The following FREM1 variants were observed in gnomAD, a reference collection of about 807,000 sequenced individuals.
FREM1 encodes the protein FRAS1 related extracellular matrix 1.
A neutral mutation model predicts 210.1 loss-of-function variants in FREM1; 220 were observed. The observed-to-expected ratio is 1.05, with a 90% CI of 0.94 to 1.17. The LOEUF is 1.17. FREM1 is among the 50% of genes most tolerant of loss of function. The probability of loss-of-function intolerance (pLI) is 0.00; values close to 1 mark genes in which losing one functional copy is unlikely to be tolerated. For missense variants in FREM1, 3,454 were observed against 2,675.5 expected (o/e 1.29, Z -6.42); for synonymous variants, 1,189 against 980.2 (o/e 1.21, Z -3.98).
In FREM1 at chr9:14,775,966, T is replaced by TG; in HGVS notation, c.4679dup (p.Gly1561ArgfsTer29). On this transcript the variant is annotated frameshift_variant, in exon 25 of 37. Transcript: ENST00000380880. LOFTEE classifies it high-confidence loss of function. ...GGGTGAAATTGTGTTGAAGTAGCCCTGTCCCCCACAGGTAGAGCTGGCCAT... is the reference window on the plus strand; with the variant it reads ...GGGTGAAATTGTGTTGAAGTAGCCCTGGTCCCCCACAGGTAGAGCTGGCCAT... 6.2e-7 allele frequency: 1 copy of TG among 1,614,028 alleles called. No individual in the cohort carries two copies. The highest frequency in any genetic ancestry group is 8.5e-7 in the Non-Finnish European group (1 of 1,179,886).
intron 27 of FREM1, 60 bp downstream of exon 27, chr9:14,769,664 A>G: frequency 6.6e-7 from 1 of 1,514,600 alleles, no homozygotes; most frequent in Non-Finnish European, 8.9e-7. Context: ...TCACTTTCCT[A>G]ATATTCAGAT....
At chr9:14,861,294 CATATAT>C (rs1414665766) in intron 3 of FREM1, among the ~76,000 whole-genome samples, 2 of 111,434 alleles carry the variant, frequency 1.8e-5, no homozygotes, top group South Asian at 2.4e-4. Context: ...TACATATATA[CATATAT>C]ACACATATAT....
chr9:14,765,157 AT>A lies in FREM1; in HGVS notation c.5204+4566del, dbSNP rs139168671. Among the ~76,000 whole-genome samples, 995 of 152,366 alleles carry A rather than the reference AT, an allele frequency of 6.5e-3. 14 individuals are homozygous for A. The highest frequency in any genetic ancestry group is 0.022 in the African/African-American group (933 of 41,580). On this transcript the variant is annotated intron_variant, in intron 27 of 36. Transcript: ENST00000380880. ...AAGAATTCCTGAAAATGTTAAAAAAATATTTTTTCAAGTATCCAATCTAAGA... is the reference window on the plus strand; with the variant it reads ...AAGAATTCCTGAAAATGTTAAAAAAAATTTTTTCAAGTATCCAATCTAAGA...
At chr9:14,778,789 C>T (rs983300695) in intron 24 of FREM1, among the ~76,000 whole-genome samples, 1 of 142,690 alleles carries the variant, frequency 7.0e-6, no homozygotes, top group Non-Finnish European at 1.5e-5. Flanking sequence ...ACGCCTATAG[C>T]TTGGACACTC....
chr9:14,859,499 G>A lies in FREM1; in HGVS notation c.330-15C>T. On this transcript the variant is annotated splice_polypyrimidine_tract_variant and intron_variant, in intron 3 of 36. Coordinates refer to ENST00000380880, the MANE Select transcript of FREM1 (RefSeq NM_001379081.2). ...TTTCAGTAAATCTGTGGAGAACACA[G>A]GGCAAAAGCAATATTAATTGGTGCT... 2 of 1,597,784 alleles carry A rather than the reference G, an allele frequency of 1.3e-6. No individual in the cohort carries two copies. Among genetic ancestry groups the A allele is most frequent in the Non-Finnish European group, 1.7e-6 (2 of 1,170,242 alleles).
chr9:14,883,320 T>G (rs1835158784), intron 1 of FREM1, among the ~76,000 whole-genome samples: 1 of 152,230 alleles, frequency 6.6e-6, no homozygotes, highest in African/African-American at 2.4e-5. Flanking sequence ...AAACTCATCC[T>G]TCAATCAACT....
chr9:14,910,172 C>G lies in FREM1; in HGVS notation c.-526G>C, dbSNP rs1392937197. 6.6e-6 allele frequency: 1 copy of G among 152,268 alleles called. No individual in the cohort carries two copies. The highest frequency in any genetic ancestry group is 1.5e-5 in the Non-Finnish European group (1 of 68,070). The allele number at this position is 152,268 out of a possible 1,614,324, so 9.4% of individuals were successfully genotyped here. A position where few individuals can be genotyped will look rare whatever the true frequency, so the allele number is the denominator to read the frequency against. On this transcript the variant is annotated 5_prime_UTR_variant, in exon 1 of 37. Transcript: ENST00000380880. ...TCACATACACACTCCACTTTCTTTGCTGGTCTTCTCCAAGGCAGCTGCTGC... is the reference window on the plus strand; with the variant it reads ...TCACATACACACTCCACTTTCTTTGGTGGTCTTCTCCAAGGCAGCTGCTGC...
At chr9:14,828,651 G>GGGGGGGGGGGGGGGGGGT in intron 10 of FREM1, among the ~76,000 whole-genome samples, 1 of 135,968 alleles carries the variant, frequency 7.4e-6, no homozygotes, top group African/African-American at 3.0e-5. Flanking sequence ...GGCGGGGGAG[G>GGGGGGGGGGGGGGGGGGT]TGCCGGGGTA....
rs748289384 is a variant in FREM1 at position 14,792,724 on chromosome 9, AAAGT to A, written c.3981+15_3981+18del. The A allele has an allele frequency of 1.3e-6, 2 of 1,562,504 alleles. No homozygotes were observed. Among genetic ancestry groups the A allele is most frequent in the Admixed American group, 4.0e-5 (2 of 50,060 alleles). ...CCTGCTACGTTAGTTTTGAAAAATA[AAAGT>A]AAGAAGTCACTAACCTTAAGCTGAA... On this transcript the variant is annotated intron_variant, in intron 22 of 36. Transcript: ENST00000380880.
intron 1 of FREM1, among the ~76,000 whole-genome samples, chr9:14,885,401 T>G (rs1047966600): frequency 6.6e-6 from 1 of 152,094 alleles, no homozygotes; most frequent in Non-Finnish European, 1.5e-5. Flanking sequence ...AAATTGTGTA[T>G]ATTTATGATG....
At chr9:14,891,623 A>G (rs146312785) in intron 1 of FREM1, among the ~76,000 whole-genome samples, 2 of 152,332 alleles carry the variant, frequency 1.3e-5, no homozygotes, top group African/African-American at 4.8e-5. Flanking sequence ...ATTTTATGGT[A>G]TAGGACTAAA....
intron 1 of FREM1, among the ~76,000 whole-genome samples, chr9:14,880,428 A>C (rs1300654460): frequency 6.6e-6 from 1 of 151,976 alleles, no homozygotes; most frequent in Non-Finnish European, 1.5e-5. Flanking sequence ...ACATGTCAAA[A>C]CCCTGTCTCT....
chr9:14,804,450 T>A (rs1050520380), intron 19 of FREM1, among the ~76,000 whole-genome samples: 2 of 152,094 alleles, frequency 1.3e-5, no homozygotes, highest in African/African-American at 2.4e-5. Flanking sequence ...CCGGGCGTGG[T>A]GGCGGGCACC....
At chr9:14,866,616 G>A (rs950727922) in intron 2 of FREM1, among the ~76,000 whole-genome samples, 5 of 152,162 alleles carry the variant, frequency 3.3e-5, no homozygotes, top group African/African-American at 7.2e-5. Flanking sequence ...TTGCTCCTGC[G>A]AGCTACCAGT....
intron 16 of FREM1, among the ~76,000 whole-genome samples, chr9:14,810,886 C>T (rs1380793858): frequency 6.6e-6 from 1 of 152,116 alleles, no homozygotes. Flanking sequence ...CTTCATTGTA[C>T]TTTTCCATTC....
At chr9:14,885,145 C>T (rs1425128147) in intron 1 of FREM1, among the ~76,000 whole-genome samples, 3 of 151,666 alleles carry the variant, frequency 2.0e-5, no homozygotes, top group East Asian at 1.9e-4. Flanking sequence ...AGAATGGTCT[C>T]GATCTCCTGA....
intron 1 of FREM1, among the ~76,000 whole-genome samples, chr9:14,881,980 A>C (rs777877221): frequency 6.6e-6 from 1 of 152,088 alleles, no homozygotes; most frequent in Non-Finnish European, 1.5e-5. Flanking sequence ...AGGTTGGTGG[A>C]GCTGTGAGCT....
chr9:14,804,413 G>A (rs537322356), intron 19 of FREM1, among the ~76,000 whole-genome samples: 4 of 152,218 alleles, frequency 2.6e-5, no homozygotes, highest in Non-Finnish European at 4.4e-5. Context: ...GTGAAACCCC[G>A]TCTCTAGTGA....
intron 30 of FREM1, among the ~76,000 whole-genome samples, chr9:14,749,742 CACACT>C (rs1276018110): frequency 6.6e-6 from 1 of 152,192 alleles, no homozygotes; most frequent in Non-Finnish European, 1.5e-5. Context: ...TTTTCCTGGT[CACACT>C]ACAGTGGGGG....
Sources: gnomAD v4.1 joint callset for allele counts (sites outside exome capture counted in the v4.1 genomes callset) on GRCh38, gnomAD v4.1.1 for gene constraint, MANE v1.5 for transcripts, NCBI Gene and HGNC (gene_info 2026-07-23, HGNC 2026-07-21) for gene names.